Variants in NCOA2 observed in about 807,000 individuals in gnomAD.
NCOA2 encodes class E basic helix-loop-helix protein 75.
A neutral mutation model predicts 145.1 loss-of-function variants in NCOA2; 21 were observed. That is an observed-to-expected ratio of 0.14 (90% CI 0.10 to 0.21). The LOEUF (loss-of-function observed/expected upper bound fraction) is 0.21, where lower values mean the gene tolerates loss of function less well. NCOA2 is among the 10% of genes least tolerant of loss of function. The pLI is 1.00. For synonymous variants in NCOA2, 619 were observed against 637.5 expected (o/e 0.97, Z 0.44); for missense variants, 1,472 against 1,837.6 (o/e 0.80, Z 3.64).
chr8:70,176,474 G>T (rs117927570), intron 4 of NCOA2, among the ~76,000 whole-genome samples: 1,551 of 152,134 alleles, frequency 0.01, 24 homozygotes, highest in Non-Finnish European at 0.01. Context: ...TGCAGGCTTG[G>T]TCTCATTCCA....
chr8:70,311,673 A>G (rs1462296127), intron 1 of NCOA2, among the ~76,000 whole-genome samples: 1 of 152,224 alleles, frequency 6.6e-6, no homozygotes, highest in Non-Finnish European at 1.5e-5. Context: ...GAGACTGGCC[A>G]TGGCATCAGA....
chr8:70,414,014 TATAA>T, the NCOA2 span, among the ~76,000 whole-genome samples: 256 of 152,342 alleles, frequency 1.7e-3, 2 homozygotes, highest in African/African-American at 5.6e-3. Context: ...TCACACATGT[TATAA>T]ATATTTTCTG....
At chr8:70,234,272 T>C (rs1274282518) in intron 2 of NCOA2, among the ~76,000 whole-genome samples, 2 of 152,216 alleles carry the variant, frequency 1.3e-5, no homozygotes, top group Non-Finnish European at 2.9e-5. Context: ...GAATGGACAT[T>C]TGGGTTGTTT....
At chr8:70,415,892 C>T in the NCOA2 span, among the ~76,000 whole-genome samples, 2 of 152,302 alleles carry the variant, frequency 1.3e-5, no homozygotes, top group Admixed American at 1.3e-4. Flanking sequence ...CATTTGAAAT[C>T]CCATCTTCAT....
intron 1 of NCOA2, among the ~76,000 whole-genome samples, chr8:70,297,340 T>C (rs1398398877): frequency 6.6e-6 from 1 of 151,684 alleles, no homozygotes; most frequent in Admixed American, 6.6e-5. Flanking sequence ...ATCTTTTATT[T>C]TCCCCCCTTC....
chr8:70,204,136 T>G (rs919749011), intron 4 of NCOA2, among the ~76,000 whole-genome samples: 21 of 151,952 alleles, frequency 1.4e-4, no homozygotes, highest in African/African-American at 5.1e-4. Context: ...GCCTCCTGAG[T>G]AGCTGGGATT....
chr8:70,383,254 C>T (rs1033327106), intron 1 of NCOA2, among the ~76,000 whole-genome samples: 1 of 152,156 alleles, frequency 6.6e-6, no homozygotes, highest in Admixed American at 6.5e-5. Context: ...GCAACCAGAT[C>T]TAAGAGGAAA....
chr8:70,183,669 T>C (rs1312507762), intron 4 of NCOA2, among the ~76,000 whole-genome samples: 2 of 152,196 alleles, frequency 1.3e-5, no homozygotes, highest in African/African-American at 4.8e-5. Flanking sequence ...ACCCCTTCTC[T>C]TGGAAGATGC....
At chr8:70,168,893 A>AT (rs1265624623) in intron 6 of NCOA2, among the ~76,000 whole-genome samples, 2 of 152,222 alleles carry the variant, frequency 1.3e-5, no homozygotes, top group African/African-American at 4.8e-5. Flanking sequence ...ACTAGAGAAT[A>AT]TAATAAAGGA....
intron 2 of NCOA2, among the ~76,000 whole-genome samples, chr8:70,259,239 G>A (rs1020257979): frequency 6.6e-6 from 1 of 152,110 alleles, no homozygotes; most frequent in East Asian, 1.9e-4. Context: ...TGAAACCAAT[G>A]GACTACGCTG....
the NCOA2 span, chr8:70,424,682 C>T: frequency 2.5e-5 from 7 of 277,426 alleles, no homozygotes; most frequent in Admixed American, 1.3e-4. Context: ...ACGTGATCCC[C>T]GTCCTAACTA....
intron 2 of NCOA2, among the ~76,000 whole-genome samples, chr8:70,243,218 CAA>C (rs895366763): frequency 1.5e-5 from 2 of 135,832 alleles, no homozygotes; most frequent in Admixed American, 1.5e-4. Flanking sequence ...ATTTAAAAAA[CAA>C]AAAGTATTTC....
At chr8:70,451,310 A>T in the NCOA2 span, among the ~76,000 whole-genome samples, 19 of 144,592 alleles carry the variant, frequency 1.3e-4, 1 homozygote, top group Admixed American at 9.6e-4. Flanking sequence ...CGGGAGGCTA[A>T]GGCAGGAGGG....
At chr8:70,317,654 C>CATT (rs759518660) in intron 1 of NCOA2, among the ~76,000 whole-genome samples, 1 of 152,112 alleles carries the variant, frequency 6.6e-6, no homozygotes, top group Non-Finnish European at 1.5e-5. Context: ...TTACAATGGC[C>CATT]ATTACATGGA....
chr8:70,261,174 T>C (rs1824090373), intron 2 of NCOA2, among the ~76,000 whole-genome samples: 1 of 152,232 alleles, frequency 6.6e-6, no homozygotes, highest in Admixed American at 6.5e-5. Context: ...GCGGCACTAT[T>C]CTCAATAGCA....
chr8:70,179,660 A>C (rs1815258828), intron 4 of NCOA2, among the ~76,000 whole-genome samples: 1 of 152,214 alleles, frequency 6.6e-6, no homozygotes, highest in African/African-American at 2.4e-5. Flanking sequence ...AGCGGTCACA[A>C]ACTATATTTA....
At chr8:70,407,167 G>C (rs1814795130), upstream of NCOA2, among the ~76,000 whole-genome samples, 3 of 152,184 alleles carry the variant, frequency 2.0e-5, no homozygotes, top group Admixed American at 1.3e-4. Flanking sequence ...TGTAATCATA[G>C]GGTGGGGGCG....
At position 70,279,253 on chromosome 8, in the gene NCOA2, G is replaced by A. The variant is rs1586349336; in HGVS notation, c.-20+17491C>T. Among the ~76,000 whole-genome samples the A allele has an allele frequency of 4.6e-5, 7 of 152,236 alleles. No individual in the cohort carries two copies. In the South Asian group the frequency reaches 1.0e-3, roughly 23 times the overall value. On this transcript the variant is annotated intron_variant, in intron 2 of 22. Coordinates refer to ENST00000452400, the MANE Select transcript of NCOA2 (RefSeq NM_006540.4). Reference sequence around the variant, plus strand: ...ACCCGCAGTAGGTGCTTCCCCTTATGATGGAACTGTTTATTTCCTACCTTT... The same window carrying A: ...ACCCGCAGTAGGTGCTTCCCCTTATAATGGAACTGTTTATTTCCTACCTTT...
intron 1 of NCOA2, among the ~76,000 whole-genome samples, chr8:70,301,341 T>C (rs910154210): frequency 2.6e-5 from 4 of 152,058 alleles, no homozygotes; most frequent in East Asian, 1.9e-4. Flanking sequence ...CAATCACTAA[T>C]AGAGCTGGAT....
Sources: gnomAD v4.1 joint callset for allele counts (sites outside exome capture counted in the v4.1 genomes callset) on GRCh38, gnomAD v4.1.1 for gene constraint, MANE v1.5 for transcripts, NCBI Gene and HGNC (gene_info 2026-07-23, HGNC 2026-07-21) for gene names.